The following NRXN1 variants were observed in gnomAD, a reference collection of about 807,000 sequenced individuals.
The protein encoded by NRXN1 is neurexin-1.
A neutral mutation model predicts 150.9 loss-of-function variants in NRXN1; 39 were observed. That is an observed-to-expected ratio of 0.26 (90% CI 0.20 to 0.34). The LOEUF (loss-of-function observed/expected upper bound fraction) is 0.34. NRXN1 is among the 10% of genes least tolerant of loss of function. NRXN1 has a pLI of 1.00. For missense variants in NRXN1, 1,815 were observed against 1,949.9 expected (o/e 0.93, Z 1.30); for synonymous variants, 924 against 757.0 (o/e 1.22, Z -3.62).
chr2:50,633,966 T>C (rs1380178410), intron 5 of NRXN1, among the ~76,000 whole-genome samples: 2 of 152,110 alleles, frequency 1.3e-5, no homozygotes, highest in Non-Finnish European at 2.9e-5. Flanking sequence ...GAGATCTTAA[T>C]GCTGAGGAAC....
At chr2:50,113,219 AC>A (rs1438490610) in intron 18 of NRXN1, among the ~76,000 whole-genome samples, 2 of 152,126 alleles carry the variant, frequency 1.3e-5, no homozygotes, top group Non-Finnish European at 2.9e-5. Context: ...ATCAATGACT[AC>A]CTTTCCCGCA....
chr2:50,968,359 T>C (rs888650444), intron 2 of NRXN1, among the ~76,000 whole-genome samples: 2 of 152,160 alleles, frequency 1.3e-5, no homozygotes, highest in African/African-American at 4.8e-5. Context: ...ACACCCTGTG[T>C]ACTAACTTAA....
chr2:50,042,474 C>G (rs1691144254), intron 21 of NRXN1, among the ~76,000 whole-genome samples: 1 of 152,182 alleles, frequency 6.6e-6, no homozygotes, highest in African/African-American at 2.4e-5. Context: ...CTCCCCAGCC[C>G]TGCAGAACTG....
intron 5 of NRXN1, among the ~76,000 whole-genome samples, chr2:50,728,186 G>C (rs886691918): frequency 2.0e-5 from 3 of 151,866 alleles, no homozygotes; most frequent in Non-Finnish European, 4.4e-5. Context: ...TCTTATTATA[G>C]ACACTTATAT....
chr2:50,629,006 G>A (rs769494962), intron 5 of NRXN1, among the ~76,000 whole-genome samples: 3 of 151,614 alleles, frequency 2.0e-5, no homozygotes, highest in Non-Finnish European at 4.4e-5. Context: ...GTGAGGATGT[G>A]GGGCAACTAG....
intron 17 of NRXN1, among the ~76,000 whole-genome samples, chr2:50,287,152 T>C (rs1365006720): frequency 6.6e-6 from 1 of 152,094 alleles, no homozygotes; most frequent in East Asian, 1.9e-4. Flanking sequence ...CAGGGAACTA[T>C]GTGCTAAAGC....
intron 17 of NRXN1, among the ~76,000 whole-genome samples, chr2:50,377,716 A>C (rs2080627903): frequency 6.6e-6 from 1 of 152,154 alleles, no homozygotes; most frequent in Non-Finnish European, 1.5e-5. Flanking sequence ...CATATATTTC[A>C]CTGTCACTAC....
chr2:50,836,121 C>T (rs1245307503), intron 5 of NRXN1, among the ~76,000 whole-genome samples: 1 of 152,092 alleles, frequency 6.6e-6, no homozygotes, highest in Non-Finnish European at 1.5e-5. Context: ...GAAAAAGAGG[C>T]ACGTTTCTGT....
chr2:50,100,198 G>A (rs1700806483), intron 18 of NRXN1, among the ~76,000 whole-genome samples: 1 of 152,110 alleles, frequency 6.6e-6, no homozygotes, highest in African/African-American at 2.4e-5. Flanking sequence ...AGTAATCTGT[G>A]AAGCCTTTTG....
chr2:50,502,850 C>T (rs1279517902), intron 13 of NRXN1, among the ~76,000 whole-genome samples: 1 of 152,032 alleles, frequency 6.6e-6, no homozygotes, highest in African/African-American at 2.4e-5. Flanking sequence ...TTATCTCTGT[C>T]TGCTGAAGGG....
At chr2:50,910,305 T>C (rs898808179) in intron 5 of NRXN1, among the ~76,000 whole-genome samples, 3 of 152,170 alleles carry the variant, frequency 2.0e-5, no homozygotes, top group Middle Eastern at 3.4e-3. Flanking sequence ...GTTCCACTAT[T>C]GTGCATTCAC....
At chr2:50,078,323 G>T (rs1697393310) in intron 19 of NRXN1, among the ~76,000 whole-genome samples, 1 of 150,920 alleles carries the variant, frequency 6.6e-6, no homozygotes, top group African/African-American at 2.4e-5. Flanking sequence ...ATGTTATATA[G>T]AATTGAGTAA....
intron 19 of NRXN1, among the ~76,000 whole-genome samples, chr2:50,087,881 G>T (rs1699019240): frequency 6.6e-6 from 1 of 152,092 alleles, no homozygotes; most frequent in Non-Finnish European, 1.5e-5. Flanking sequence ...GTATAGTGTT[G>T]CTACCAGATG....
chr2:50,391,505 T>C (rs750534604), intron 17 of NRXN1, among the ~76,000 whole-genome samples: 14 of 152,174 alleles, frequency 9.2e-5, no homozygotes, highest in Non-Finnish European at 1.5e-4. Flanking sequence ...AAAGCAACCC[T>C]CTTAAAATAT....
chr2:50,395,461 G>A (rs2081996010), intron 17 of NRXN1, among the ~76,000 whole-genome samples: 1 of 151,632 alleles, frequency 6.6e-6, no homozygotes, highest in African/African-American at 2.4e-5. Context: ...CATTTACTCT[G>A]ATATAAAAAT....
chr2:50,411,679 G>A (rs1283531616), intron 17 of NRXN1, among the ~76,000 whole-genome samples: 2 of 134,082 alleles, frequency 1.5e-5, no homozygotes, highest in African/African-American at 3.1e-5. Context: ...CCCGGCAGCC[G>A]CCCTGTCTGG....
intron 15 of NRXN1, 63 bp from the exon 16 acceptor site, chr2:50,472,534 G>T: frequency 1.5e-6 from 2 of 1,314,500 alleles, no homozygotes; most frequent in Non-Finnish European, 2.1e-6. Context: ...ACACACAGTA[G>T]GATGGAGAAA....
chr2:49,919,021 G>A lies in NRXN1; in HGVS notation c.*2923C>T, dbSNP rs969868108. 6.6e-6 allele frequency: 1 copy of A among 152,074 alleles called. No homozygotes were observed. 9.4% of individuals were successfully genotyped at this position (152,074 alleles called of 1,614,324 possible). On this transcript the variant is annotated 3_prime_UTR_variant, in exon 23 of 23. Transcript: ENST00000401669. ...TCACACAAAGCACTAGAAGGGTAGG[G>A]TTATGTGGCCTTTCTTTGATGTCTT... is the stretch of plus-strand genomic sequence containing the variant.
intron 5 of NRXN1, among the ~76,000 whole-genome samples, chr2:50,827,978 G>A (rs9751938): frequency 0.99 from 139,961 of 140,712 alleles, 69,614 homozygotes; most frequent in Middle Eastern, 1. Flanking sequence ...AGTACAGAAC[G>A]AAATGAAAAG....
Sources: allele counts gnomAD v4.1 joint callset (sites outside exome capture counted in the v4.1 genomes callset), GRCh38; gene constraint gnomAD v4.1.1; transcripts MANE v1.5; gene names NCBI Gene and HGNC (gene_info 2026-07-23, HGNC 2026-07-21).